The following ZNF717 variants were observed in gnomAD, a reference collection of about 807,000 sequenced individuals.
ZNF717 encodes krueppel-like factor X17.
ZNF717 carries 9 observed loss-of-function variants against 13.8 expected under a neutral mutation model. The observed-to-expected ratio is 0.65, with a 90% CI of 0.39 to 1.14. The LOEUF (loss-of-function observed/expected upper bound fraction) is 1.14, where lower values mean the gene tolerates loss of function less well. ZNF717 is among the 50% of genes most tolerant of loss of function. The pLI is 0.01. For missense variants in ZNF717, 1,040 were observed against 1,080.7 expected, an observed-to-expected ratio of 0.96 and a Z score of 0.53; for synonymous variants, 327 against 364.1, an observed-to-expected ratio of 0.90 and a Z score of 1.16.
intron 4 of ZNF717, among the ~76,000 whole-genome samples, chr3:75,724,263 TC>T (rs1938231359): frequency 6.6e-6 from 1 of 151,748 alleles, no homozygotes; most frequent in African/African-American, 2.4e-5. Context: ...GTGGTAGTGG[TC>T]CCCCGGGCCC....
intron 2 of ZNF717, among the ~76,000 whole-genome samples, chr3:75,767,464 C>T (rs1039223650): frequency 5.9e-5 from 9 of 152,338 alleles, no homozygotes; most frequent in South Asian, 2.1e-4. Context: ...GGAAATGAGC[C>T]GCTGTGGTAA....
intron 4 of ZNF717, among the ~76,000 whole-genome samples, chr3:75,721,754 A>G (rs1193719533): frequency 1.3e-5 from 2 of 152,184 alleles, no homozygotes; most frequent in Non-Finnish European, 2.9e-5. Context: ...AGAAAAAATG[A>G]AACTAAAGGA....
At chr3:75,705,345 G>T (rs4465968), downstream of ZNF717, among the ~76,000 whole-genome samples, 1 of 149,752 alleles carries the variant, frequency 6.7e-6, no homozygotes, top group African/African-American at 2.5e-5. Flanking sequence ...CTTCTCTGAT[G>T]CTTGGTCAGG....
At chr3:75,712,987 C>G (rs1235262633) in intron 5 of ZNF717, among the ~76,000 whole-genome samples, 2 of 151,752 alleles carry the variant, frequency 1.3e-5, no homozygotes, top group African/African-American at 4.8e-5. Flanking sequence ...TGGCTCACAC[C>G]TGTAATCCCA....
At chr3:75,702,528 G>A (rs1170362692) in intron 6 of ZNF717, among the ~76,000 whole-genome samples, 4 of 152,326 alleles carry the variant, frequency 2.6e-5, no homozygotes, top group African/African-American at 9.6e-5. Flanking sequence ...TAAAACAATT[G>A]TTAGAAAGAA....
chr3:75,738,995 G>A lies in ZNF717; in HGVS notation c.628C>T (p.Gln210Ter), dbSNP rs200842088. The A allele has an allele frequency of 6.4e-7, 1 of 1,551,556 alleles. No individual in the cohort carries two copies. Among genetic ancestry groups the A allele is most frequent in the South Asian group, 1.2e-5 (1 of 84,052 alleles). Residue 210 changes from glutamine to a stop codon, truncating the protein, a stop_gained, in exon 5 of 5, where the codon CAA (glutamine) becomes TAA (stop). Coordinates refer to ENST00000652011, the MANE Select transcript of ZNF717 (RefSeq NM_001290208.3). LOFTEE classifies it low-confidence loss of function (END_TRUNC). ...HKIQTLLQTFQCNEQGKTFNT... is the reference protein window; with the variant it reads ...HKIQTLLQTF ...AAGGTTTTCCCTTGTTCATTACATT[G>A]AAAAGTCTGCAGCAGAGTTTGAATC...
chr3:75,719,843 A>G (rs1938134095), intron 4 of ZNF717, among the ~76,000 whole-genome samples: 1 of 152,076 alleles, frequency 6.6e-6, no homozygotes, highest in Non-Finnish European at 1.5e-5. Flanking sequence ...CTGTAATCCC[A>G]GCTACTCGGG....
chr3:75,759,465 C>T (rs1473518849), intron 2 of ZNF717, among the ~76,000 whole-genome samples: 5 of 152,102 alleles, frequency 3.3e-5, no homozygotes, highest in East Asian at 1.9e-4. Flanking sequence ...TTAGTAGATA[C>T]GGCATTTCAC....
At chr3:75,780,038 G>C (rs1944685381) in intron 2 of ZNF717, among the ~76,000 whole-genome samples, 1 of 149,306 alleles carries the variant, frequency 6.7e-6, no homozygotes, top group African/African-American at 2.5e-5. Context: ...TGCTAAACCA[G>C]AACCCAAAGC....
intron 6 of ZNF717, among the ~76,000 whole-genome samples, chr3:75,701,986 A>G (rs1351130464): frequency 6.6e-6 from 1 of 152,312 alleles, no homozygotes; most frequent in African/African-American, 2.4e-5. Context: ...GTCAAAAACA[A>G]ATGTTGGTGA....
At chr3:75,770,028 G>A (rs1291391098) in intron 2 of ZNF717, among the ~76,000 whole-genome samples, 1 of 151,968 alleles carries the variant, frequency 6.6e-6, no homozygotes, top group Non-Finnish European at 1.5e-5. Context: ...TTCTTTATTG[G>A]CCCTTGTCAA....
chr3:75,729,779 T>C (rs1488946323), downstream of ZNF717, among the ~76,000 whole-genome samples: 3 of 152,220 alleles, frequency 2.0e-5, no homozygotes, highest in Non-Finnish European at 2.9e-5. Context: ...TGGAGCCATC[T>C]TATTTAGGAA....
At chr3:75,730,773 G>C (rs1011724655) in intron 5 of ZNF717, among the ~76,000 whole-genome samples, 2 of 152,206 alleles carry the variant, frequency 1.3e-5, no homozygotes, top group Non-Finnish European at 2.9e-5. Flanking sequence ...TTAAAACCAA[G>C]AAGGAACTTT....
intron 6 of ZNF717, among the ~76,000 whole-genome samples, chr3:75,697,200 C>A (rs1387431345): frequency 2.0e-5 from 3 of 152,346 alleles, no homozygotes; most frequent in Non-Finnish European, 2.9e-5. Flanking sequence ...CAAGAGAAAG[C>A]AATAAAAGGC....
chr3:75,712,841 T>A (rs1309109641), intron 5 of ZNF717, among the ~76,000 whole-genome samples: 1 of 152,172 alleles, frequency 6.6e-6, no homozygotes, highest in African/African-American at 2.4e-5. Context: ...CCAAATTATA[T>A]AAAATTATTA....
chr3:75,741,629 GT>G lies in ZNF717; in HGVS notation c.164del (p.Tyr55SerfsTer16). 6.4e-7 allele frequency: 1 copy of G among 1,565,182 alleles called. No individual in the cohort carries two copies. The highest frequency in any genetic ancestry group is 1.1e-5 in the South Asian group (1 of 88,268). ...ACTCACCCAATGATACCAGGCTGCTGTAGGTCTCCAGCATCACGTCCCTGTA... is the reference window on the plus strand; with the variant it reads ...ACTCACCCAATGATACCAGGCTGCTGAGGTCTCCAGCATCACGTCCCTGTA... ...TLYRDVMLET[Y>X]SSLVSLGHYI... On this transcript the variant is annotated frameshift_variant, in exon 3 of 5. Coordinates refer to ENST00000652011, the MANE Select transcript of ZNF717 (RefSeq NM_001290208.3). LOFTEE classifies it high-confidence loss of function.
At chr3:75,775,579 G>C (rs191421120) in intron 2 of ZNF717, among the ~76,000 whole-genome samples, 1 of 152,134 alleles carries the variant, frequency 6.6e-6, no homozygotes, top group African/African-American at 2.4e-5. Flanking sequence ...GTTATGCTGG[G>C]CACAGTGGCT....
Position 75,739,252 on chromosome 3 carries a change from G to A in ZNF717, c.371C>T (p.Thr124Ile), listed in dbSNP as rs1161462167. The part of the protein sequence containing the change: ...QIVITNSNTS[T>I]QERVELGKTF... Reference sequence around the variant, plus strand: ...TTTTCCTAATTCAACTCTCTCCTGAGTTGATGTGTTGCTGTTGGTGATTAC... The same window carrying A: ...TTTTCCTAATTCAACTCTCTCCTGAATTGATGTGTTGCTGTTGGTGATTAC... Residue 124 changes from threonine to isoleucine, a missense_variant, in exon 5 of 5, where the codon ACT (threonine) becomes ATT (isoleucine). Physicochemically the swap from Thr to Ile is moderately conservative, Grantham distance 89 (BLOSUM62 -1). Coordinates refer to ENST00000652011, the MANE Select transcript of ZNF717 (RefSeq NM_001290208.3). 3.2e-6 allele frequency: 5 copies of A among 1,539,482 alleles called. No individual in the cohort carries two copies. The highest frequency in any genetic ancestry group is 2.4e-5 in the South Asian group (2 of 82,512).
intron 2 of ZNF717, among the ~76,000 whole-genome samples, chr3:75,774,908 T>C (rs1218578330): frequency 6.6e-6 from 1 of 151,624 alleles, no homozygotes; most frequent in Middle Eastern, 3.5e-3. Flanking sequence ...CGTGAGCCAC[T>C]GCACCTGGCC....
Sources: gnomAD v4.1 joint callset for allele counts (sites outside exome capture counted in the v4.1 genomes callset) on GRCh38, gnomAD v4.1.1 for gene constraint, MANE v1.5 for transcripts, NCBI Gene and HGNC (gene_info 2026-07-23, HGNC 2026-07-21) for gene names.